The following CDH4 variants were observed in gnomAD, a reference collection of about 807,000 sequenced individuals.
CDH4 encodes the protein cadherin-4.
CDH4 carries 33 observed loss-of-function variants against 86.0 expected under a neutral mutation model. The ratio of observed to expected loss-of-function variants is 0.38; its 90% CI spans 0.29 to 0.51. The LOEUF is 0.51. Among genes scored for constraint, CDH4 ranks in the 20% least tolerant of loss-of-function variants. The probability of loss-of-function intolerance (pLI) is 0.86; values close to 1 mark genes in which losing one functional copy is unlikely to be tolerated. For synonymous variants in CDH4, 555 were observed against 549.4 expected (o/e 1.01, Z -0.14); for missense variants, 1,114 against 1,307.4 (o/e 0.85, Z 2.28).
intron 2 of CDH4, among the ~76,000 whole-genome samples, chr20:61,616,568 G>T (rs923449008): frequency 9.2e-5 from 14 of 152,204 alleles, no homozygotes; most frequent in Admixed American, 2.0e-4. Context: ...GAGGGTCAGA[G>T]CTTACTGGTA....
intron 4 of CDH4, among the ~76,000 whole-genome samples, chr20:61,822,852 T>A (rs987191479): frequency 3.9e-5 from 6 of 152,170 alleles, no homozygotes; most frequent in African/African-American, 1.4e-4. Flanking sequence ...AGGGCATGCC[T>A]TCCTCCCGTG....
chr20:61,936,775 C>T lies in CDH4; in HGVS notation c.2583C>T (p.Pro861=). The T allele has an allele frequency of 1.2e-6, 2 of 1,609,938 alleles. No individual in the cohort carries two copies. The highest frequency in any genetic ancestry group is 8.5e-7 in the Non-Finnish European group (1 of 1,178,804). Reference sequence around the variant, plus strand: ...CTGACAACGACCCCACGGCACCCCCCTATGACTCCCTGCTGGTCTTCGACT... The same window carrying T: ...CTGACAACGACCCCACGGCACCCCCTTATGACTCCCTGCTGGTCTTCGACT... ...RAADNDPTAP[P]YDSLLVFDYE... The change falls in exon 16 of 16, where the codon CCC becomes CCT. Residue 861 remains proline, a synonymous_variant. Coordinates refer to ENST00000614565, the MANE Select transcript of CDH4 (RefSeq NM_001794.5).
intron 2 of CDH4, among the ~76,000 whole-genome samples, chr20:61,255,750 T>G (rs2084094725): frequency 6.6e-6 from 1 of 152,206 alleles, no homozygotes; most frequent in Non-Finnish European, 1.5e-5. Context: ...TCCCAGGGAA[T>G]GTAAACTTTT....
intron 4 of CDH4, among the ~76,000 whole-genome samples, chr20:61,774,920 T>C (rs2088819840): frequency 6.6e-6 from 1 of 152,238 alleles, no homozygotes; most frequent in African/African-American, 2.4e-5. Context: ...TTATCCAGTC[T>C]GTCATTGATG....
chr20:61,670,683 T>C (rs1300349214), intron 2 of CDH4, among the ~76,000 whole-genome samples: 1 of 152,100 alleles, frequency 6.6e-6, no homozygotes, highest in African/African-American at 2.4e-5. Flanking sequence ...AAAAGCAAAA[T>C]CAAAGTGGTT....
At chr20:61,312,667 G>A (rs2084453429) in intron 2 of CDH4, among the ~76,000 whole-genome samples, 1 of 152,144 alleles carries the variant, frequency 6.6e-6, no homozygotes, top group Admixed American at 6.5e-5. Context: ...TGATGGCTTG[G>A]CCAGCGTTCT....
chr20:61,315,737 T>C (rs1456059964), intron 2 of CDH4, among the ~76,000 whole-genome samples: 1 of 152,232 alleles, frequency 6.6e-6, no homozygotes, highest in Non-Finnish European at 1.5e-5. Context: ...ATGGTCTTGC[T>C]CTGTCACCCA....
chr20:61,266,734 T>C (rs1042365660), intron 2 of CDH4, among the ~76,000 whole-genome samples: 1 of 151,962 alleles, frequency 6.6e-6, no homozygotes, highest in Admixed American at 6.6e-5. Context: ...GTCCAGGAAC[T>C]CCCTGCCTGG....
Position 61,793,230 on chromosome 20 carries a change from G to A in CDH4, c.576+20048G>A, listed in dbSNP as rs1021457395. 2.0e-5 allele frequency among the ~76,000 whole-genome samples: 3 copies of A among 152,088 alleles called. 1 individual carries two copies. The highest frequency in any genetic ancestry group is 1.3e-4 in the Admixed American group (2 of 15,276). ...TCTGGCCACCTTGGCCTCCCAAAGT[G>A]CTGGGATTACAAGCGTGAGCCACTG... is the stretch of plus-strand genomic sequence containing the variant. On this transcript the variant is annotated intron_variant, in intron 4 of 15. Coordinates refer to ENST00000614565, the MANE Select transcript of CDH4 (RefSeq NM_001794.5).
At chr20:61,449,007 T>C (rs1342306433) in intron 2 of CDH4, among the ~76,000 whole-genome samples, 3 of 152,160 alleles carry the variant, frequency 2.0e-5, no homozygotes, top group Non-Finnish European at 4.4e-5. Flanking sequence ...ATTCAGACTT[T>C]TTCTCTACTT....
rs1253864285 is a variant in CDH4, at chr20:61,829,499, G to C, written c.577-15169G>C. 1.3e-5 allele frequency among the ~76,000 whole-genome samples: 2 copies of C among 152,194 alleles called. No homozygotes were observed. Among genetic ancestry groups the C allele is most frequent in the East Asian group, 3.9e-4 (2 of 5,186 alleles). On this transcript the variant is annotated intron_variant, in intron 4 of 15. Transcript: ENST00000614565. This position sits in a 1 kb window ranked among gnomAD's most constrained non-coding sequence, Gnocchi z 4.2. ...TTCTGTGGACAGATGTTGATTCTTA[G>C]GGTGTCTGCCCAGCAGTGGGATTGC... is the stretch of plus-strand genomic sequence containing the variant.
intron 2 of CDH4, among the ~76,000 whole-genome samples, chr20:61,332,573 C>T (rs1206135698): frequency 6.6e-6 from 1 of 152,240 alleles, no homozygotes; most frequent in Non-Finnish European, 1.5e-5. Context: ...CCCTGGGCAG[C>T]AGGCACTAGG....
At chr20:61,687,625 C>T (rs1162803636) in intron 2 of CDH4, among the ~76,000 whole-genome samples, 3 of 152,214 alleles carry the variant, frequency 2.0e-5, no homozygotes, top group South Asian at 4.1e-4. Context: ...GCTAGGGTTT[C>T]CTCTCTGCTA....
intron 2 of CDH4, among the ~76,000 whole-genome samples, chr20:61,389,679 C>T (rs2084970460): frequency 1.3e-5 from 2 of 152,088 alleles, no homozygotes; most frequent in African/African-American, 2.4e-5. Context: ...AGGCATTTTT[C>T]GTTGTCACAT....
intron 2 of CDH4, among the ~76,000 whole-genome samples, chr20:61,332,656 TTG>T (rs1448037600): frequency 6.6e-6 from 1 of 152,234 alleles, no homozygotes; most frequent in Non-Finnish European, 1.5e-5. Context: ...GCGAAGGCCC[TTG>T]GCTAGTTTAG....
chr20:61,673,157 C>T (rs1242109974), intron 2 of CDH4, among the ~76,000 whole-genome samples: 1 of 152,154 alleles, frequency 6.6e-6, no homozygotes, highest in African/African-American at 2.4e-5. Context: ...GAGAACGCAG[C>T]CCTGCCCACA....
rs946169923 is a variant in CDH4, at chr20:61,480,128, G to A, written c.169+225191G>A. 1.2e-4 allele frequency among the ~76,000 whole-genome samples: 18 copies of A among 152,110 alleles called. No homozygotes were observed. Among genetic ancestry groups the A allele is most frequent in the African/African-American group, 4.1e-4 (17 of 41,392 alleles). The stretch of plus-strand genomic sequence containing the variant: ...GAATGGTAACTTTTTAATGTTCTTG[G>A]CTAATTCTGTCATCCTGATATATTT... On this transcript the variant is annotated intron_variant, in intron 2 of 15. Coordinates refer to ENST00000614565, the MANE Select transcript of CDH4 (RefSeq NM_001794.5). This position sits in a 1 kb window ranked among gnomAD's most constrained non-coding sequence, Gnocchi z 5.2.
At chr20:61,405,028 T>C (rs1430984778) in intron 2 of CDH4, among the ~76,000 whole-genome samples, 1 of 152,136 alleles carries the variant, frequency 6.6e-6, no homozygotes, top group East Asian at 1.9e-4. Context: ...CCAGCCTGAG[T>C]ACAGAGTAAG....
At chr20:61,595,868 G>T (rs1236244153) in intron 2 of CDH4, among the ~76,000 whole-genome samples, 2 of 152,238 alleles carry the variant, frequency 1.3e-5, no homozygotes, top group African/African-American at 4.8e-5. Flanking sequence ...TGAGCACAGT[G>T]GGGGTGAATG....
Sources: allele counts gnomAD v4.1 joint callset (sites outside exome capture counted in the v4.1 genomes callset), GRCh38; gene constraint gnomAD v4.1.1; non-coding constraint Gnocchi (gnomAD v3.1); transcripts MANE v1.5; gene names NCBI Gene and HGNC (gene_info 2026-07-23, HGNC 2026-07-21).